The following GAD2 variants were observed in gnomAD, a reference collection of about 807,000 sequenced individuals.
GAD2 encodes glutamate decarboxylase 2.
Under a neutral mutation model 80.1 loss-of-function variants are expected in GAD2, and 22 were observed. That is an observed-to-expected ratio of 0.27 (90% CI 0.20 to 0.39). GAD2 has a LOEUF of 0.39. Among genes scored for constraint, GAD2 ranks in the 10% least tolerant of loss-of-function variants. The pLI, the probability that GAD2 is intolerant of heterozygous loss-of-function variation, is 1.00. For missense variants in GAD2, 624 were observed against 738.4 expected (o/e 0.85, Z 1.80); for synonymous variants, 274 against 256.9 (o/e 1.07, Z -0.64).
In GAD2 at chr10:26,286,573, A is replaced by G. The variant is rs1845336088; in HGVS notation, c.1386+79A>G. On this transcript the variant is annotated intron_variant, in intron 13 of 15. Coordinates refer to ENST00000376261, the MANE Select transcript of GAD2 (RefSeq NM_001134366.2). Reference sequence around the variant, plus strand: ...TGACCCCATTATGAAATGTCAAAAAAGTGATTTCCAAATTGAAATTTCCTT... The same window carrying G: ...TGACCCCATTATGAAATGTCAAAAAGGTGATTTCCAAATTGAAATTTCCTT... 4.4e-6 allele frequency: 6 copies of G among 1,373,100 alleles called. No individual in the cohort carries two copies. In the South Asian group the frequency reaches 8.5e-5, roughly 20 times the overall value. 85.1% of individuals were successfully genotyped at this position (1,373,100 alleles called of 1,614,324 possible). A position where few individuals can be genotyped will look rare whatever the true frequency, so the allele number is the denominator to read the frequency against.
At chr10:26,269,034 GACTTTACCCTCCTGCGGCC>G (rs965450717) in intron 8 of GAD2, 66 bp from the exon 9 acceptor site, 25 of 953,702 alleles carry the variant, frequency 2.6e-5, no homozygotes, top group East Asian at 1.8e-4. Context: ...TTTGGGGTTG[GACTTTACCCTCCTGCGGCC>G]ACTTACGTTG....
intron 11 of GAD2, among the ~76,000 whole-genome samples, chr10:26,276,639 C>T (rs1354570240): frequency 7.2e-5 from 11 of 152,056 alleles, no homozygotes; most frequent in African/African-American, 1.4e-4. Context: ...CCGCTCGCCT[C>T]GGCCTCCCAA....
intron 8 of GAD2, among the ~76,000 whole-genome samples, chr10:26,256,641 T>A (rs1589145977): frequency 6.6e-6 from 1 of 152,350 alleles, no homozygotes; most frequent in East Asian, 1.9e-4. Flanking sequence ...TGTTTTCCCA[T>A]GATTAGATTC....
intron 13 of GAD2, among the ~76,000 whole-genome samples, chr10:26,290,968 C>A (rs1834209017): frequency 1.3e-5 from 2 of 152,212 alleles, no homozygotes; most frequent in East Asian, 3.8e-4. Flanking sequence ...CCATGATCAT[C>A]CCCATAGCAA....
chr10:26,288,367 C>T (rs2132317256), intron 13 of GAD2, among the ~76,000 whole-genome samples: 1 of 152,324 alleles, frequency 6.6e-6, no homozygotes, highest in Non-Finnish European at 1.5e-5. Context: ...AGGAGCTTTA[C>T]ATGAAGTGAA....
At chr10:26,267,682 G>A (rs1325354797) in intron 8 of GAD2, among the ~76,000 whole-genome samples, 1 of 151,900 alleles carries the variant, frequency 6.6e-6, no homozygotes, top group Non-Finnish European at 1.5e-5. Flanking sequence ...TTGGGAAACA[G>A]CTTCACTTAA....
chr10:26,242,368 G>T, intron 7 of GAD2, among the ~76,000 whole-genome samples: 1 of 152,058 alleles, frequency 6.6e-6, no homozygotes, highest in Non-Finnish European at 1.5e-5. Context: ...TCAGCATCCA[G>T]GTGGTTGTTC....
In GAD2 at chr10:26,269,071, G is replaced by A. The variant is rs374283274; in HGVS notation, c.921-48G>A. On this transcript the variant is annotated intron_variant, in intron 8 of 15. Transcript: ENST00000376261. ...CTGCGGCCACTTACGTTGTAAAGACGATGAAGCAAATTATTCAAAGCAAAT... is the reference window on the plus strand; with the variant it reads ...CTGCGGCCACTTACGTTGTAAAGACAATGAAGCAAATTATTCAAAGCAAAT... The A allele has an allele frequency of 8.2e-6, 12 of 1,468,848 alleles. No homozygotes were observed. In the African/African-American group the frequency reaches 8.4e-5, roughly 10 times the overall value. 91.0% of individuals were successfully genotyped at this position (1,468,848 alleles called of 1,614,324 possible).
intron 15 of GAD2, 67 bp downstream of exon 15, chr10:26,293,058 A>G: frequency 7.7e-7 from 1 of 1,304,394 alleles, no homozygotes; most frequent in Non-Finnish European, 1.1e-6. Flanking sequence ...CTTCTTTATG[A>G]CATATGCCTG....
chr10:26,259,542 G>A (rs751714905), intron 8 of GAD2, among the ~76,000 whole-genome samples: 5 of 151,926 alleles, frequency 3.3e-5, no homozygotes, highest in Non-Finnish European at 7.4e-5. Flanking sequence ...GCTTACTCAG[G>A]TCTTTTGGAT....
At chr10:26,231,349 T>C (rs1358285028) in intron 7 of GAD2, among the ~76,000 whole-genome samples, 1 of 152,170 alleles carries the variant, frequency 6.6e-6, no homozygotes, top group Non-Finnish European at 1.5e-5. Flanking sequence ...AAGTGAGGTA[T>C]GTGTATCTAT....
chr10:26,250,877 CTTTTTTTTTTTT>C (rs1181428173), intron 8 of GAD2, among the ~76,000 whole-genome samples: 20 of 112,954 alleles, frequency 1.8e-4, no homozygotes, highest in South Asian at 1.5e-3. Context: ...GTTTTTTTTC[CTTTTTTTTTTTT>C]TTTTTTTTGA....
intron 8 of GAD2, among the ~76,000 whole-genome samples, chr10:26,256,575 T>G (rs1407116259): frequency 6.6e-6 from 1 of 152,170 alleles, no homozygotes; most frequent in East Asian, 1.9e-4. Context: ...CTCATGACAT[T>G]GATGTTTTTT....
chr10:26,216,730 C>A (rs1844375777), upstream of GAD2: 2 of 1,261,014 alleles, frequency 1.6e-6, no homozygotes, highest in Admixed American at 2.2e-5. The surrounding 1 kb of genome is among the most constrained non-coding windows in gnomAD (Gnocchi z 4.7). Context: ...CACGGGCACG[C>A]ACGCGCGCGC....
At chr10:26,247,119 C>T (rs534212284) in intron 8 of GAD2, among the ~76,000 whole-genome samples, 2 of 152,338 alleles carry the variant, frequency 1.3e-5, no homozygotes, top group East Asian at 3.9e-4. Flanking sequence ...ATAGACAGAG[C>T]AGCCTGGAGG....
At chr10:26,299,813 T>A (rs1314776011) in intron 15 of GAD2, among the ~76,000 whole-genome samples, 1 of 152,140 alleles carries the variant, frequency 6.6e-6, no homozygotes, top group Non-Finnish European at 1.5e-5. Flanking sequence ...ACACTAGAAG[T>A]CAGGAAAGGC....
chr10:26,227,076 T>A (rs1022366085), intron 6 of GAD2, among the ~76,000 whole-genome samples: 56 of 152,348 alleles, frequency 3.7e-4, no homozygotes, highest in African/African-American at 1.3e-3. Flanking sequence ...CACTGCAACC[T>A]CCATCTCCTG....
At chr10:26,268,177 T>TA (rs1453747394) in intron 8 of GAD2, among the ~76,000 whole-genome samples, 1 of 152,184 alleles carries the variant, frequency 6.6e-6, no homozygotes, top group Non-Finnish European at 1.5e-5. Context: ...ACTTAAAGAA[T>TA]GTTTCTCTGG....
Position 26,256,788 on chromosome 10 carries a change from G to A in GAD2, c.920+10788G>A, listed in dbSNP as rs565348926. Among the ~76,000 whole-genome samples, 16 of 152,296 alleles carry A rather than the reference G, an allele frequency of 1.1e-4. No homozygotes were observed. In the South Asian group the frequency reaches 2.5e-3, roughly 24 times the overall value. On this transcript the variant is annotated intron_variant, in intron 8 of 15. Transcript: ENST00000376261. Reference sequence around the variant, plus strand: ...AAGGCAGTGTCTGCCAGGTCACTCCGCTATGAAATGACTATTTTCTCCTTT... The same window carrying A: ...AAGGCAGTGTCTGCCAGGTCACTCCACTATGAAATGACTATTTTCTCCTTT...
Sources: gnomAD v4.1 joint callset for allele counts (sites outside exome capture counted in the v4.1 genomes callset) on GRCh38, gnomAD v4.1.1 for gene constraint, Gnocchi (gnomAD v3.1) non-coding constraint, MANE v1.5 for transcripts, NCBI Gene and HGNC (gene_info 2026-07-23, HGNC 2026-07-21) for gene names.